The following CLSTN2 variants were observed in gnomAD, a reference collection of about 807,000 sequenced individuals.
CLSTN2 encodes calsyntenin 2.
CLSTN2 carries 48 observed loss-of-function variants against 101.2 expected under a neutral mutation model. The observed-to-expected ratio is 0.47, with a 90% confidence interval of 0.38 to 0.60. The LOEUF (loss-of-function observed/expected upper bound fraction) is 0.60, where lower values mean the gene tolerates loss of function less well. CLSTN2 is among the 20% of genes least tolerant of loss of function. The probability of loss-of-function intolerance (pLI) is 0.00; values close to 1 mark genes in which losing one functional copy is unlikely to be tolerated. For synonymous variants in CLSTN2, 481 were observed against 463.6 expected, an observed-to-expected ratio of 1.04 and a Z score of -0.48; for missense variants, 1,160 against 1,238.2, an observed-to-expected ratio of 0.94 and a Z score of 0.95.
chr3:140,524,872 G>C (rs1027029587), intron 8 of CLSTN2, among the ~76,000 whole-genome samples: 1 of 152,116 alleles, frequency 6.6e-6, no homozygotes, highest in Non-Finnish European at 1.5e-5. Context: ...AATTAAGGCA[G>C]AAATCAAAAA....
At chr3:140,233,456 G>A (rs952030921) in intron 2 of CLSTN2, among the ~76,000 whole-genome samples, 3 of 151,986 alleles carry the variant, frequency 2.0e-5, no homozygotes, top group Non-Finnish European at 2.9e-5. Context: ...CTTCCTCCTC[G>A]AGCTATGGAC....
chr3:140,246,691 C>T (rs2086520770), intron 2 of CLSTN2, among the ~76,000 whole-genome samples: 4 of 152,126 alleles, frequency 2.6e-5, no homozygotes, highest in Admixed American at 2.0e-4. Flanking sequence ...AAATGTCAAA[C>T]TAATCAGTCT....
At chr3:139,960,513 A>G (rs1323192190) in intron 1 of CLSTN2, among the ~76,000 whole-genome samples, 2 of 152,234 alleles carry the variant, frequency 1.3e-5, no homozygotes, top group Non-Finnish European at 2.9e-5. Context: ...TCTGGAGGAC[A>G]TGAGCCATGC....
intron 2 of CLSTN2, among the ~76,000 whole-genome samples, chr3:140,223,819 A>C (rs185348661): frequency 4.8e-4 from 73 of 152,256 alleles, no homozygotes; most frequent in Admixed American, 3.1e-3. Context: ...TCCAAATGCT[A>C]CAGTGCTCAG....
At chr3:140,255,130 G>A (rs2086594566) in intron 2 of CLSTN2, among the ~76,000 whole-genome samples, 1 of 152,122 alleles carries the variant, frequency 6.6e-6, no homozygotes, top group East Asian at 1.9e-4. Context: ...GAATGGCTAT[G>A]ATTTAAAAGC....
In CLSTN2 at chr3:140,573,905, C is replaced by T. The variant is rs1985649113; in HGVS notation, c.*7652C>T. ...CACCTCCCCAGAGGCAGGACCCCGC[C>T]CCCATGAGAACATGCAGTTGAATGA... On this transcript the variant is annotated 3_prime_UTR_variant, in exon 17 of 17. Transcript: ENST00000458420. 1 of 152,520 alleles carries T rather than the reference C, an allele frequency of 6.6e-6. No homozygotes were observed. Among genetic ancestry groups the T allele is most frequent in the Non-Finnish European group, 1.5e-5 (1 of 68,342 alleles). 9.4% of individuals were successfully genotyped at this position (152,520 alleles called of 1,614,324 possible). A position where few individuals can be genotyped will look rare whatever the true frequency, so the allele number is the denominator to read the frequency against.
intron 1 of CLSTN2, among the ~76,000 whole-genome samples, chr3:140,149,154 C>T (rs2009824492): frequency 6.6e-6 from 1 of 152,182 alleles, no homozygotes; most frequent in South Asian, 2.1e-4. Flanking sequence ...TCCCTTCTCC[C>T]CATCCGTGCC....
rs58418539 is a variant in CLSTN2, at chr3:140,089,971, CTTTTTT to C, written c.110-85956_110-85951del. On this transcript the variant is annotated intron_variant, in intron 1 of 16. Transcript: ENST00000458420. ...CCTGGCTGATTTCAGCTAGGATTGG[CTTTTTT>C]TTTTTTTTTTTTTTTTTTTTTTTAA... 3.8e-3 allele frequency among the ~76,000 whole-genome samples: 189 copies of C among 49,666 alleles called. 4 individuals carry two copies. The East Asian group carries it at 0.094, about 25-fold the overall frequency. 32.6% of individuals were successfully genotyped at this position (49,666 alleles called of 152,430 possible).
chr3:140,099,188 T>C (rs1371504099), intron 1 of CLSTN2, among the ~76,000 whole-genome samples: 3 of 152,140 alleles, frequency 2.0e-5, no homozygotes, highest in Non-Finnish European at 4.4e-5. Context: ...CCTACTATAT[T>C]AGCTTCCTAG....
intron 1 of CLSTN2, among the ~76,000 whole-genome samples, chr3:140,067,438 T>C (rs76480774): frequency 0.13 from 19,588 of 152,174 alleles, 1,292 homozygotes; most frequent in East Asian, 0.16. Context: ...ATTGCCCCTG[T>C]AGCTCCAAGG....
At chr3:140,382,872 T>G (rs1015642502) in intron 2 of CLSTN2, among the ~76,000 whole-genome samples, 1 of 150,254 alleles carries the variant, frequency 6.7e-6, no homozygotes, top group Non-Finnish European at 1.5e-5. Context: ...TCTGCCCTTA[T>G]GTCCCAGTCA....
intron 1 of CLSTN2, among the ~76,000 whole-genome samples, chr3:140,031,913 T>A (rs538455490): frequency 2.6e-5 from 4 of 152,322 alleles, no homozygotes; most frequent in African/African-American, 9.6e-5. Flanking sequence ...GGGGAAGTCA[T>A]TTGTCTTTCG....
intron 2 of CLSTN2, among the ~76,000 whole-genome samples, chr3:140,225,487 TTTGTTTG>T (rs2086310186): frequency 7.8e-5 from 3 of 38,598 alleles, no homozygotes; most frequent in African/African-American, 2.6e-4. Flanking sequence ...CACTGACATT[TTTGTTTG>T]TTTGTTTGTT....
At chr3:140,046,979 C>G (rs2007894672) in intron 1 of CLSTN2, among the ~76,000 whole-genome samples, 1 of 151,836 alleles carries the variant, frequency 6.6e-6, no homozygotes. Context: ...ATTTGCCTAC[C>G]ACGTATATTA....
chr3:140,167,337 C>T (rs1338234272), intron 1 of CLSTN2, among the ~76,000 whole-genome samples: 4 of 152,204 alleles, frequency 2.6e-5, no homozygotes, highest in Non-Finnish European at 5.9e-5. Flanking sequence ...CCTCCACATC[C>T]TTTATGCCTG....
intron 5 of CLSTN2, among the ~76,000 whole-genome samples, chr3:140,447,469 T>C (rs1933111324): frequency 6.6e-6 from 1 of 152,242 alleles, no homozygotes; most frequent in Non-Finnish European, 1.5e-5. Context: ...TCAATTCCTG[T>C]GTACATTCAC....
intron 8 of CLSTN2, among the ~76,000 whole-genome samples, chr3:140,513,766 G>T (rs1045455261): frequency 2.6e-5 from 4 of 151,708 alleles, no homozygotes; most frequent in Non-Finnish European, 2.9e-5. Context: ...GTCTGGGCCT[G>T]GGCTTTTTTT....
At chr3:140,163,928 T>A (rs916421932) in intron 1 of CLSTN2, among the ~76,000 whole-genome samples, 1 of 152,088 alleles carries the variant, frequency 6.6e-6, no homozygotes, top group African/African-American at 2.4e-5. Flanking sequence ...ACAATTACAT[T>A]TATTAGCATG....
rs6808362 is a variant in CLSTN2 at position 140,171,684 on chromosome 3, T to A, written c.110-4267T>A. On this transcript the variant is annotated intron_variant, in intron 1 of 16. Transcript: ENST00000458420. ...TATTATATATAATATGTATTATATA[T>A]AATATATATTAATATATAATATGTA... 2.6e-4 allele frequency among the ~76,000 whole-genome samples: 2 copies of A among 7,718 alleles called. 1 individual carries two copies. The allele number at this position is 7,718 out of a possible 152,430, so 5.1% of individuals were successfully genotyped here.
Sources: gnomAD v4.1 joint callset for allele counts (sites outside exome capture counted in the v4.1 genomes callset) on GRCh38, gnomAD v4.1.1 for gene constraint, MANE v1.5 for transcripts, NCBI Gene and HGNC (gene_info 2026-07-23, HGNC 2026-07-21) for gene names.